Variants in RP1 observed in about 807,000 individuals in gnomAD.
RP1 encodes the protein oxygen-regulated protein 1.
In RP1, 16 loss-of-function variants were observed where a neutral mutation model predicts 14.8. That is an observed-to-expected ratio of 1.08 (90% CI 0.73 to 1.65). The LOEUF (loss-of-function observed/expected upper bound fraction) is 1.65. Among genes scored for constraint, RP1 ranks in the 40% most tolerant of loss-of-function variants. The pLI is 0.00. For synonymous variants in RP1, 876 were observed against 883.6 expected (o/e 0.99, Z 0.15); for missense variants, 2,631 against 2,535.0 (o/e 1.04, Z -0.81).
downstream of RP1, among the ~76,000 whole-genome samples, chr8:54,635,081 C>CA (rs764704971): frequency 5.8e-3 from 536 of 91,936 alleles, 2 homozygotes; most frequent in African/African-American, 0.014. Context: ...GACTCCATCT[C>CA]AAAAAAAAAA....
At chr8:54,791,327 C>CA (rs1278510387) in intron 24 of RP1, among the ~76,000 whole-genome samples, 2 of 152,072 alleles carry the variant, frequency 1.3e-5, no homozygotes, top group Non-Finnish European at 2.9e-5. Context: ...ACCTTCCTTA[C>CA]AAGAAATACT....
At chr8:54,787,573 G>A (rs776409559) in intron 24 of RP1, among the ~76,000 whole-genome samples, 6 of 151,896 alleles carry the variant, frequency 4.0e-5, no homozygotes, top group African/African-American at 1.2e-4. Flanking sequence ...AATTTAGTTC[G>A]GCTTTTTATT....
Position 54,625,345 on chromosome 8 carries a change from A to G in RP1, c.1463A>G (p.Glu488Gly). 6.2e-7 allele frequency: 1 copy of G among 1,614,190 alleles called. No individual in the cohort carries two copies. Among genetic ancestry groups the G allele is most frequent in the Non-Finnish European group, 8.5e-7 (1 of 1,180,036 alleles). Reference sequence around the variant, plus strand: ...ATTGGACAGTTTTCATATAGTGAAGAAAGGGAAAGTGGGGAAAACAAGTCT... The same window carrying G: ...ATTGGACAGTTTTCATATAGTGAAGGAAGGGAAAGTGGGGAAAACAAGTCT... The part of the protein sequence containing the change: ...KMIGQFSYSE[E>G]RESGENKSEY... Residue 488 changes from glutamate (E) to glycine (G), a missense_variant, in exon 4 of 4, where the codon GAA (glutamate) becomes GGA (glycine). Glu to Gly is a moderately conservative substitution (Grantham distance 98, BLOSUM62 -2). Coordinates refer to ENST00000220676, the MANE Select transcript of RP1 (RefSeq NM_006269.2).
Position 54,691,433 on chromosome 8 carries a change from G to C in RP1, c.1718-8034G>C, listed in dbSNP as rs924005793. ...TTAGAAGGATTAGATTTGAAAGCTA[G>C]GAATGTGTGGAAAATTATGAGTTCT... On this transcript the variant is annotated intron_variant, in intron 12 of 22. Transcript: ENST00000636932. Among the ~76,000 whole-genome samples the C allele has an allele frequency of 3.3e-5, 5 of 152,028 alleles. No homozygotes were observed. In the South Asian group the frequency reaches 1.0e-3, roughly 32 times the overall value.
intron 6 of RP1, among the ~76,000 whole-genome samples, chr8:54,658,956 C>T (rs1034663921): frequency 1.3e-5 from 2 of 151,408 alleles, no homozygotes; most frequent in African/African-American, 4.9e-5. Flanking sequence ...TTTTCATTTG[C>T]ATTTCTGTAA....
exon 21 of RP1, chr8:54,755,747 C>A: frequency 6.6e-7 from 1 of 1,525,732 alleles, no homozygotes; most frequent in Non-Finnish European, 8.8e-7. Flanking sequence ...ATCTAACATG[C>A]AAGTAAAATT....
rs753345608 is a variant in RP1 at position 54,865,833 on chromosome 8, A to G, written c.4070-2A>G. 182 of 1,191,766 alleles carry G rather than the reference A, an allele frequency of 1.5e-4. No individual in the cohort carries two copies. The highest frequency in any genetic ancestry group is 1.8e-4 in the Non-Finnish European group (172 of 951,384). The allele number at this position is 1,191,766 out of a possible 1,614,324, so 73.8% of individuals were successfully genotyped here. A position where few individuals can be genotyped will look rare whatever the true frequency, so the allele number is the denominator to read the frequency against. On this transcript the variant is annotated splice_acceptor_variant, in intron 27 of 28. Coordinates refer to the RP1 transcript ENST00000637698. LOFTEE classifies it high-confidence loss of function. ...ATAAATCTCCTTTGTCAACTGACACAGGTAATGGATGGTTTCTTGGGAGTA... is the reference window on the plus strand; with the variant it reads ...ATAAATCTCCTTTGTCAACTGACACGGGTAATGGATGGTTTCTTGGGAGTA...
chr8:54,763,096 T>A (rs1365655894), intron 22 of RP1, among the ~76,000 whole-genome samples: 1 of 152,210 alleles, frequency 6.6e-6, no homozygotes, highest in Non-Finnish European at 1.5e-5. Context: ...ACTTTTTGAG[T>A]GGATTCTGTA....
At chr8:54,742,360 T>G (rs1275745757) in intron 19 of RP1, among the ~76,000 whole-genome samples, 1 of 152,238 alleles carries the variant, frequency 6.6e-6, no homozygotes, top group Non-Finnish European at 1.5e-5. Context: ...CTTAATTTTA[T>G]CTGTGATTTT....
chr8:54,596,926 A>C (rs1441338772), intron 1 of RP1, among the ~76,000 whole-genome samples: 1 of 152,056 alleles, frequency 6.6e-6, no homozygotes, highest in Non-Finnish European at 1.5e-5. Flanking sequence ...AGCCCTTATG[A>C]ACTCTGGATT....
chr8:54,731,432 T>C (rs1473001905), intron 17 of RP1, among the ~76,000 whole-genome samples: 2 of 152,174 alleles, frequency 1.3e-5, no homozygotes, highest in African/African-American at 2.4e-5. Context: ...AAACTTCTGG[T>C]CAACAAAAGC....
intron 25 of RP1, among the ~76,000 whole-genome samples, chr8:54,838,128 A>G (rs1266029100): frequency 2.6e-5 from 4 of 152,208 alleles, no homozygotes; most frequent in Non-Finnish European, 5.9e-5. Flanking sequence ...ATATATATCC[A>G]AGAATAGATG....
chr8:54,622,102 T>A lies in RP1; in HGVS notation c.616-15T>A, dbSNP rs747236589. 1 of 1,614,018 alleles carries A rather than the reference T, an allele frequency of 6.2e-7. No individual in the cohort carries two copies. The highest frequency in any genetic ancestry group is 1.1e-5 in the South Asian group (1 of 91,074). On this transcript the variant is annotated splice_polypyrimidine_tract_variant and intron_variant, in intron 2 of 3. Transcript: ENST00000220676. ...AATGTGCTCATCTCAGGATAATGAC[T>A]CTGGTCTCTTTTAGGTTCCCAGCCT...
At chr8:54,818,463 G>A (rs1367021351) in intron 24 of RP1, among the ~76,000 whole-genome samples, 1 of 152,166 alleles carries the variant, frequency 6.6e-6, no homozygotes, top group African/African-American at 2.4e-5. Context: ...GTTCAAAGTG[G>A]CAGCTATATC....
chr8:54,833,281 T>C (rs183610313), intron 24 of RP1, among the ~76,000 whole-genome samples: 5 of 152,040 alleles, frequency 3.3e-5, no homozygotes. Context: ...GAATTGGAAA[T>C]GCCCTCATGC....
intron 1 of RP1, among the ~76,000 whole-genome samples, chr8:54,578,576 C>G (rs988785173): frequency 6.6e-6 from 1 of 152,104 alleles, no homozygotes. Flanking sequence ...ACATCTCATG[C>G]TATATTTCAT....
chr8:54,739,495 G>GT (rs372209386), intron 19 of RP1, among the ~76,000 whole-genome samples: 10 of 151,922 alleles, frequency 6.6e-5, no homozygotes, highest in East Asian at 3.9e-4. Flanking sequence ...CTTGCGAAAG[G>GT]TTTTTTTTAA....
chr8:54,655,120 T>A (rs1263550000), intron 5 of RP1, among the ~76,000 whole-genome samples: 1 of 152,256 alleles, frequency 6.6e-6, no homozygotes, highest in Non-Finnish European at 1.5e-5. Flanking sequence ...CATTTCATTA[T>A]ACTACAAATG....
intron 5 of RP1, among the ~76,000 whole-genome samples, chr8:54,654,369 A>T (rs1391224154): frequency 6.6e-6 from 1 of 152,194 alleles, no homozygotes; most frequent in Non-Finnish European, 1.5e-5. Flanking sequence ...GATTTTTTTC[A>T]AGTTTAGTTA....
Sources: allele counts gnomAD v4.1 joint callset (sites outside exome capture counted in the v4.1 genomes callset), GRCh38; gene constraint gnomAD v4.1.1; transcripts MANE v1.5; gene names NCBI Gene and HGNC (gene_info 2026-07-23, HGNC 2026-07-21).